Variants in UTRN observed in about 807,000 individuals in gnomAD.
The protein encoded by UTRN is utrophin, also known as dystrophin-related protein 1.
A neutral mutation model predicts 463.9 loss-of-function variants in UTRN; 283 were observed. That is an observed-to-expected ratio of 0.61 (90% CI 0.55 to 0.67). UTRN has a LOEUF of 0.67. UTRN is among the 30% of genes least tolerant of loss of function. The pLI is 0.00. For missense variants in UTRN, 3,922 were observed against 4,084.3 expected (o/e 0.96, Z 1.08); for synonymous variants, 1,442 against 1,431.5 (o/e 1.01, Z -0.17).
At chr6:144,636,172 G>T (rs1259916566) in intron 51 of UTRN, among the ~76,000 whole-genome samples, 1 of 152,032 alleles carries the variant, frequency 6.6e-6, no homozygotes, top group Admixed American at 6.6e-5. Context: ...CTTGTAATTA[G>T]AGAAAATGTG....
chr6:144,718,439 G>T (rs993202345), intron 53 of UTRN, among the ~76,000 whole-genome samples: 1 of 152,174 alleles, frequency 6.6e-6, no homozygotes, highest in African/African-American at 2.4e-5. Flanking sequence ...ACCAGCTTGG[G>T]CAACAGAGTG....
chr6:144,524,497 A>G (rs1341099301), intron 41 of UTRN, among the ~76,000 whole-genome samples: 1 of 151,466 alleles, frequency 6.6e-6, no homozygotes, highest in Admixed American at 6.6e-5. Context: ...TTTTATTTTC[A>G]TTTTTAAATT....
chr6:144,604,594 T>C (rs1804626627), intron 51 of UTRN, among the ~76,000 whole-genome samples: 1 of 152,178 alleles, frequency 6.6e-6, no homozygotes, highest in South Asian at 2.1e-4. Context: ...TTGTAATTTT[T>C]TTTCAACTTT....
chr6:144,557,380 G>C (rs1015446015), intron 50 of UTRN, 69 bp downstream of exon 50: 12 of 1,509,168 alleles, frequency 8.0e-6, no homozygotes, highest in Non-Finnish European at 8.9e-6. Context: ...TGGCTTTCTC[G>C]TGGAAACCTG....
chr6:144,662,569 A>G (rs939772977), intron 51 of UTRN, among the ~76,000 whole-genome samples: 9 of 152,176 alleles, frequency 5.9e-5, no homozygotes, highest in Admixed American at 2.6e-4. Context: ...AGCAGTTGTC[A>G]TTGTTCAGTC....
intron 2 of UTRN, among the ~76,000 whole-genome samples, chr6:144,356,769 G>A (rs1778584635): frequency 6.6e-6 from 1 of 152,128 alleles, no homozygotes; most frequent in Non-Finnish European, 1.5e-5. Flanking sequence ...AGGCTGCAGT[G>A]AGCTGAGATT....
Position 144,819,714 on chromosome 6 carries a change from G to C in UTRN, c.9358-1168G>C, listed in dbSNP as rs369022367. 8.5e-5 allele frequency among the ~76,000 whole-genome samples: 13 copies of C among 152,170 alleles called. No individual in the cohort carries two copies. The South Asian group carries it at 1.0e-3, about 12-fold the overall frequency. On this transcript the variant is annotated intron_variant, in intron 65 of 74. Transcript: ENST00000367545. ...TCTCAAAAAAATAAAAAAAGTTTCT[G>C]TCTGCAAAACAAGTTTCTGTGAGTC...
At chr6:144,776,734 A>G (rs1011712142) in intron 60 of UTRN, among the ~76,000 whole-genome samples, 5 of 152,180 alleles carry the variant, frequency 3.3e-5, no homozygotes, top group African/African-American at 9.7e-5. Context: ...TCCTGCCTAA[A>G]AAGCACTTGT....
chr6:144,519,201 T>C (rs796505713), intron 39 of UTRN, among the ~76,000 whole-genome samples: 14 of 152,330 alleles, frequency 9.2e-5, no homozygotes, highest in Admixed American at 2.0e-4. Flanking sequence ...TATTATCTTA[T>C]TGATATTTAT....
chr6:144,786,575 C>T (rs1010056067), intron 61 of UTRN, among the ~76,000 whole-genome samples: 7 of 152,102 alleles, frequency 4.6e-5, no homozygotes, highest in African/African-American at 9.7e-5. Flanking sequence ...TGAGCCACCG[C>T]GCCGGGCCTG....
chr6:144,729,590 G>A (rs1354201301), intron 53 of UTRN, among the ~76,000 whole-genome samples: 2 of 152,200 alleles, frequency 1.3e-5, no homozygotes, highest in Non-Finnish European at 2.9e-5. Context: ...TGGCAACAGC[G>A]TTAAAATTGC....
chr6:144,605,481 C>T (rs1458913231), intron 51 of UTRN, among the ~76,000 whole-genome samples: 1 of 151,552 alleles, frequency 6.6e-6, no homozygotes, highest in Non-Finnish European at 1.5e-5. Flanking sequence ...AGGTCTGTTC[C>T]CACTCTTATT....
At chr6:144,403,972 A>C (rs1281459283) in intron 3 of UTRN, among the ~76,000 whole-genome samples, 1 of 152,228 alleles carries the variant, frequency 6.6e-6, no homozygotes, top group Non-Finnish European at 1.5e-5. Flanking sequence ...TATAAAAGCT[A>C]TTTTAATGAA....
chr6:144,530,206 G>C (rs1050665259), intron 41 of UTRN, among the ~76,000 whole-genome samples: 6 of 152,222 alleles, frequency 3.9e-5, no homozygotes, highest in African/African-American at 1.4e-4. Flanking sequence ...GGAAGTTCAA[G>C]ATCAAGGTGC....
At chr6:144,353,853 A>T (rs1778325492) in intron 2 of UTRN, among the ~76,000 whole-genome samples, 1 of 152,052 alleles carries the variant, frequency 6.6e-6, no homozygotes, top group African/African-American at 2.4e-5. Flanking sequence ...TAAAACAAAC[A>T]AACAAACACA....
At chr6:144,754,886 A>G (rs1460813059) in intron 57 of UTRN, 88 bp downstream of exon 57, 4 of 1,286,658 alleles carry the variant, frequency 3.1e-6, no homozygotes, top group Admixed American at 2.0e-5. Flanking sequence ...ATTCCTTGCT[A>G]TAAATATGTT....
intron 42 of UTRN, among the ~76,000 whole-genome samples, chr6:144,532,240 A>C (rs951662030): frequency 2.0e-5 from 3 of 152,236 alleles, no homozygotes; most frequent in Non-Finnish European, 4.4e-5. Flanking sequence ...TCAATCTGTT[A>C]CTTAAACATT....
chr6:144,816,301 A>G (rs1779071199), intron 65 of UTRN, among the ~76,000 whole-genome samples: 1 of 152,170 alleles, frequency 6.6e-6, no homozygotes, highest in Non-Finnish European at 1.5e-5. Context: ...AAACAAATTA[A>G]GGATAGACAT....
At chr6:144,704,464 C>T (rs964143895) in intron 53 of UTRN, among the ~76,000 whole-genome samples, 22 of 152,212 alleles carry the variant, frequency 1.4e-4, no homozygotes, top group Admixed American at 5.9e-4. Context: ...TTATCTGCTT[C>T]CTCTAGAACA....
Sources: allele counts gnomAD v4.1 joint callset (sites outside exome capture counted in the v4.1 genomes callset), GRCh38; gene constraint gnomAD v4.1.1; transcripts MANE v1.5; gene names NCBI Gene and HGNC (gene_info 2026-07-23, HGNC 2026-07-21).